Variants in FYB2 observed in about 807,000 individuals in gnomAD.
FYB2 encodes FYN-binding protein 2.
In FYB2, 103 loss-of-function variants were observed where a neutral mutation model predicts 94.1. The ratio of observed to expected loss-of-function variants is 1.09; its 90% CI spans 0.93 to 1.29. The LOEUF (loss-of-function observed/expected upper bound fraction) is 1.29, where lower values mean the gene tolerates loss of function less well. FYB2 is among the 50% of genes most tolerant of loss of function. The pLI is 0.00. For synonymous variants in FYB2, 293 were observed against 287.9 expected (o/e 1.02, Z -0.18); for missense variants, 896 against 841.5 (o/e 1.06, Z -0.80).
Position 56,792,733 on chromosome 1 carries a change from G to C in FYB2, c.80C>G (p.Pro27Arg). 1 of 1,614,046 alleles carries C rather than the reference G, an allele frequency of 6.2e-7. No individual in the cohort carries two copies. Among genetic ancestry groups the C allele is most frequent in the Non-Finnish European group, 8.5e-7 (1 of 1,179,984 alleles). ...AGAAACACCTGCTGGGAATTTAATA[G>C]GTCCTGGAAGAGGTGGAGCATCAAG... ...QNLDAPPLPG[P>R]IKFPAGVSPK... is the part of the protein sequence containing the mutation. The change falls in exon 2 of 20, where the codon CCT becomes CGT. Residue 27 changes from proline to arginine, a missense_variant. Physicochemically the swap from Pro to Arg is moderately radical, Grantham distance 103 (BLOSUM62 -2). Coordinates refer to ENST00000343433, the MANE Select transcript of FYB2 (RefSeq NM_001004303.5).
chr1:56,757,687 CTTCTTTCTTTCTTTCTTTCT>C (rs1191302491), intron 6 of FYB2, among the ~76,000 whole-genome samples: 4 of 71,940 alleles, frequency 5.6e-5, no homozygotes, highest in Non-Finnish European at 1.0e-4. Flanking sequence ...TCCTTCCTTC[CTTCTTTCTTTCTTTCTTTCT>C]TTCTTTCTTT....
chr1:56,792,977 T>A (rs1646308984), intron 1 of FYB2, among the ~76,000 whole-genome samples, 174 bp from the exon 2 acceptor site: 1 of 152,144 alleles, frequency 6.6e-6, no homozygotes, highest in African/African-American at 2.4e-5. Context: ...CTGGGCAATG[T>A]TAGCCAGCAA....
At chr1:56,771,434 C>G (rs1189593368) in intron 4 of FYB2, among the ~76,000 whole-genome samples, 1 of 152,112 alleles carries the variant, frequency 6.6e-6, no homozygotes, top group African/African-American at 2.4e-5. Flanking sequence ...GTTTATAGCT[C>G]AAACGTAAGA....
chr1:56,747,564 A>G (rs1281920271), intron 9 of FYB2, among the ~76,000 whole-genome samples: 3 of 151,990 alleles, frequency 2.0e-5, no homozygotes, highest in African/African-American at 4.8e-5. Context: ...AGCTTCACCC[A>G]TGTCCTTGCA....
chr1:56,773,929 C>T (rs1645817971), intron 4 of FYB2, among the ~76,000 whole-genome samples: 1 of 152,102 alleles, frequency 6.6e-6, no homozygotes, highest in Admixed American at 6.6e-5. Flanking sequence ...CCAAACTGGA[C>T]AAATTTCTAT....
At chr1:56,760,257 T>C (rs1645459591) in intron 5 of FYB2, among the ~76,000 whole-genome samples, 1 of 152,146 alleles carries the variant, frequency 6.6e-6, no homozygotes, top group Admixed American at 6.6e-5. Context: ...TCCCTCTGTT[T>C]TTCTCTTTCT....
At chr1:56,826,388 T>G in the FYB2 span, among the ~76,000 whole-genome samples, 6 of 152,238 alleles carry the variant, frequency 3.9e-5, no homozygotes, top group Admixed American at 3.9e-4. Context: ...CATACAAGAC[T>G]CTTTAGAATC....
At chr1:56,771,686 A>C (rs964361609) in intron 4 of FYB2, among the ~76,000 whole-genome samples, 6 of 152,180 alleles carry the variant, frequency 3.9e-5, no homozygotes, top group African/African-American at 7.2e-5. Context: ...ACATCACAGC[A>C]CATGTGGATA....
At chr1:56,746,941 T>G (rs1645081001) in intron 9 of FYB2, among the ~76,000 whole-genome samples, 1 of 152,070 alleles carries the variant, frequency 6.6e-6, no homozygotes, top group Non-Finnish European at 1.5e-5. Context: ...GCTCCATATC[T>G]TTACTAACAC....
chr1:56,735,757 C>A (rs1313353288), intron 15 of FYB2, among the ~76,000 whole-genome samples: 1 of 152,058 alleles, frequency 6.6e-6, no homozygotes, highest in African/African-American at 2.4e-5. Context: ...GTGCCTCTTC[C>A]CCTTCTGCCA....
intron 1 of FYB2, among the ~76,000 whole-genome samples, chr1:56,799,941 G>T (rs1471883418): frequency 1.3e-5 from 2 of 152,184 alleles, no homozygotes; most frequent in East Asian, 3.8e-4. Flanking sequence ...TATAAAGTAA[G>T]TTCCAAAAGG....
chr1:56,778,257 A>G (rs563403346), intron 4 of FYB2, among the ~76,000 whole-genome samples: 1 of 152,034 alleles, frequency 6.6e-6, no homozygotes, highest in African/African-American at 2.4e-5. Flanking sequence ...CCTCCTTCCC[A>G]CCTATTTCTG....
At chr1:56,794,685 C>T (rs182276448) in intron 1 of FYB2, among the ~76,000 whole-genome samples, 127 of 152,124 alleles carry the variant, frequency 8.3e-4, no homozygotes, top group Non-Finnish European at 1.0e-3. Flanking sequence ...CACACACACA[C>T]GCACAGGCAC....
At chr1:56,770,224 GAGAA>G (rs370006385) in intron 4 of FYB2, among the ~76,000 whole-genome samples, 30 of 152,122 alleles carry the variant, frequency 2.0e-4, no homozygotes, top group African/African-American at 6.7e-4. Context: ...CATACCGACT[GAGAA>G]AGAAACACAA....
chr1:56,803,576 G>T (rs1570222498), intron 1 of FYB2, among the ~76,000 whole-genome samples: 1 of 152,172 alleles, frequency 6.6e-6, no homozygotes, highest in East Asian at 1.9e-4. Flanking sequence ...ATGTTGCAGG[G>T]ATCTGATGGC....
At chr1:56,737,211 C>A in intron 14 of FYB2, 64 bp from the exon 15 acceptor site, 5 of 1,217,886 alleles carry the variant, frequency 4.1e-6, no homozygotes, top group Non-Finnish European at 5.8e-6. Flanking sequence ...CACTGACTTT[C>A]CAAATTATAC....
intron 1 of FYB2, among the ~76,000 whole-genome samples, chr1:56,813,202 AT>A (rs1251689120): frequency 1.3e-5 from 2 of 152,182 alleles, no homozygotes; most frequent in Non-Finnish European, 1.5e-5. Context: ...CTTTAACTTG[AT>A]GTATTAGTCC....
At chr1:56,780,971 T>C (rs928003047) in intron 4 of FYB2, among the ~76,000 whole-genome samples, 1 of 152,188 alleles carries the variant, frequency 6.6e-6, no homozygotes, top group African/African-American at 2.4e-5. Flanking sequence ...CGATTCAATT[T>C]ATCCCAGCGT....
At chr1:56,773,736 C>T (rs1645813904) in intron 4 of FYB2, among the ~76,000 whole-genome samples, 1 of 152,152 alleles carries the variant, frequency 6.6e-6, no homozygotes, top group South Asian at 2.1e-4. Flanking sequence ...GTTAGCCATA[C>T]TTGTATATTT....
Sources: allele counts gnomAD v4.1 joint callset (sites outside exome capture counted in the v4.1 genomes callset), GRCh38; gene constraint gnomAD v4.1.1; transcripts MANE v1.5; gene names NCBI Gene and HGNC (gene_info 2026-07-23, HGNC 2026-07-21).